Variants in COX7B2 observed in about 807,000 individuals in gnomAD.
The protein encoded by COX7B2 is cytochrome c oxidase subunit 7B2, mitochondrial.
For missense variants in COX7B2, 109 were observed against 95.9 expected, an observed-to-expected ratio of 1.14 and a Z score of -0.57; for synonymous variants, 37 against 32.1, an observed-to-expected ratio of 1.15 and a Z score of -0.51.
intron 2 of COX7B2, among the ~76,000 whole-genome samples, chr4:46,736,106 T>C (rs1322923921): frequency 1.3e-5 from 2 of 152,200 alleles, no homozygotes; most frequent in Non-Finnish European, 2.9e-5. Flanking sequence ...TATAATGACA[T>C]GTATCCATCA....
intron 2 of COX7B2, among the ~76,000 whole-genome samples, chr4:46,844,009 T>A (rs554146650): frequency 6.6e-6 from 1 of 152,130 alleles, no homozygotes; most frequent in Non-Finnish European, 1.5e-5. Flanking sequence ...GCAAGTTATA[T>A]CACCAGAGAG....
intron 1 of COX7B2, chr4:46,903,748 G>C (rs951746857): frequency 1.3e-5 from 2 of 152,146 alleles, no homozygotes; most frequent in Admixed American, 1.3e-4. Flanking sequence ...ATTCAGTAAA[G>C]TAACATCCTG....
chr4:46,784,774 C>G (rs923950970), intron 2 of COX7B2, among the ~76,000 whole-genome samples: 1 of 152,186 alleles, frequency 6.6e-6, no homozygotes, highest in African/African-American at 2.4e-5. Context: ...TAATTGTTGT[C>G]TTATGAATAA....
chr4:46,793,693 T>G (rs1244748191), intron 2 of COX7B2, among the ~76,000 whole-genome samples: 1 of 152,176 alleles, frequency 6.6e-6, no homozygotes, highest in Non-Finnish European at 1.5e-5. Context: ...CTGAGACTGC[T>G]GAAGATCAAA....
intron 2 of COX7B2, among the ~76,000 whole-genome samples, chr4:46,770,170 C>A (rs939131898): frequency 6.6e-6 from 1 of 151,994 alleles, no homozygotes; most frequent in Admixed American, 6.6e-5. Flanking sequence ...AATCAACCTG[C>A]AAAAATCAGT....
chr4:46,791,109 G>C (rs572579307), intron 2 of COX7B2, among the ~76,000 whole-genome samples: 1 of 152,046 alleles, frequency 6.6e-6, no homozygotes, highest in African/African-American at 2.4e-5. Context: ...ACGCATTCTG[G>C]TGCCTCAGCC....
At chr4:46,832,874 G>T (rs1445551854) in intron 2 of COX7B2, among the ~76,000 whole-genome samples, 1 of 151,342 alleles carries the variant, frequency 6.6e-6, no homozygotes, top group Non-Finnish European at 1.5e-5. Flanking sequence ...CCAAAACTAC[G>T]CTTCATGTAC....
intron 1 of COX7B2, among the ~76,000 whole-genome samples, chr4:46,898,196 C>A (rs1486740479): frequency 6.6e-6 from 1 of 152,184 alleles, no homozygotes; most frequent in Non-Finnish European, 1.5e-5. Context: ...TAACTTGCCA[C>A]CTTCCCTTCC....
chr4:46,844,667 T>C (rs1716146971), intron 2 of COX7B2, among the ~76,000 whole-genome samples: 1 of 152,006 alleles, frequency 6.6e-6, no homozygotes, highest in Non-Finnish European at 1.5e-5. Context: ...TTCTTTTGTA[T>C]CCAACTGTTC....
chr4:46,844,894 C>CT (rs1716170173), intron 2 of COX7B2, 66 bp downstream of exon 2: 1 of 151,962 alleles, frequency 6.6e-6, no homozygotes, highest in Admixed American at 6.6e-5. Context: ...CCTACCAGAA[C>CT]TTTAACTTTT....
intron 2 of COX7B2, among the ~76,000 whole-genome samples, chr4:46,838,872 C>T (rs1715723395): frequency 6.6e-6 from 1 of 151,690 alleles, no homozygotes; most frequent in Non-Finnish European, 1.5e-5. Context: ...TTAATTTTAC[C>T]TTTCCTGGAA....
chr4:46,824,885 A>T (rs1714572894), intron 2 of COX7B2, among the ~76,000 whole-genome samples: 1 of 152,124 alleles, frequency 6.6e-6, no homozygotes. Flanking sequence ...CATACCTAAA[A>T]ATAATAGAAG....
At chr4:46,748,427 G>T (rs1214104830) in intron 2 of COX7B2, among the ~76,000 whole-genome samples, 4 of 152,142 alleles carry the variant, frequency 2.6e-5, no homozygotes, top group Non-Finnish European at 5.9e-5. Context: ...ACTGTACACA[G>T]CATGAGAATA....
intron 2 of COX7B2, among the ~76,000 whole-genome samples, chr4:46,828,085 A>G (rs528267937): frequency 6.6e-6 from 1 of 152,316 alleles, no homozygotes; most frequent in South Asian, 2.1e-4. Flanking sequence ...TTTACTGTAT[A>G]TGAATTATAC....
At chr4:46,824,573 T>C (rs1577614454) in intron 2 of COX7B2, among the ~76,000 whole-genome samples, 2 of 151,850 alleles carry the variant, frequency 1.3e-5, no homozygotes, top group African/African-American at 4.8e-5. Context: ...TCATTTACTG[T>C]TGGTTAGCCT....
chr4:46,835,309 T>C (rs1715435334), intron 2 of COX7B2, among the ~76,000 whole-genome samples: 1 of 152,130 alleles, frequency 6.6e-6, no homozygotes, highest in Non-Finnish European at 1.5e-5. Context: ...CAACATTGTT[T>C]ATAATAGCAA....
chr4:46,812,271 C>T (rs1055815760), intron 2 of COX7B2, among the ~76,000 whole-genome samples: 8 of 152,136 alleles, frequency 5.3e-5, no homozygotes, highest in African/African-American at 1.4e-4. Context: ...AAGCTGAGGC[C>T]TATCTCTCTG....
At position 46,807,813 on chromosome 4, in the gene COX7B2, G is replaced by T. The variant is rs568656539; in HGVS notation, c.-50+37147C>A. Among the ~76,000 whole-genome samples, 4 of 151,898 alleles carry T rather than the reference G, an allele frequency of 2.6e-5. No individual in the cohort carries two copies. The South Asian group carries it at 6.2e-4, about 24-fold the overall frequency. The stretch of plus-strand genomic sequence containing the variant: ...TCCATTATGTTGTCTTCATGTCCTT[G>T]TCTAAAATTAGTTGATAGTATATAT... On this transcript the variant is annotated intron_variant, in intron 2 of 2. Coordinates refer to ENST00000355591, the MANE Select transcript of COX7B2 (RefSeq NM_130902.3).
intron 2 of COX7B2, among the ~76,000 whole-genome samples, chr4:46,791,875 G>A (rs1224331390): frequency 6.7e-6 from 1 of 148,272 alleles, no homozygotes; most frequent in Non-Finnish European, 1.5e-5. Flanking sequence ...GCTTACTGGT[G>A]TTCACCCAAG....
Sources: allele counts gnomAD v4.1 joint callset (sites outside exome capture counted in the v4.1 genomes callset), GRCh38; gene constraint gnomAD v4.1.1; transcripts MANE v1.5; gene names NCBI Gene and HGNC (gene_info 2026-07-23, HGNC 2026-07-21).